MSANTD3: variants seen among roughly 807,000 people sequenced by gnomAD.
The protein encoded by MSANTD3 is myb/SANT-like DNA-binding domain-containing protein 3.
MSANTD3 carries 11 observed loss-of-function variants against 27.7 expected under a neutral mutation model. That is an observed-to-expected ratio of 0.40 (90% CI 0.25 to 0.66). The LOEUF is 0.66. MSANTD3 is among the 30% of genes least tolerant of loss of function. The pLI, the probability that MSANTD3 is intolerant of heterozygous loss-of-function variation, is 0.41. For missense variants in MSANTD3, 250 were observed against 336.5 expected, an observed-to-expected ratio of 0.74 and a Z score of 2.01; for synonymous variants, 131 against 127.2, an observed-to-expected ratio of 1.03 and a Z score of -0.20.
At chr9:100,436,013 G>T in intron 1 of MSANTD3, among the ~76,000 whole-genome samples, 1 of 152,328 alleles carries the variant, frequency 6.6e-6, no homozygotes, top group African/African-American at 2.4e-5. Flanking sequence ...TTTCCTTCTT[G>T]TTCTTCTATG....
chr9:100,429,952 C>A (rs1423882807), intron 1 of MSANTD3, among the ~76,000 whole-genome samples: 1 of 152,050 alleles, frequency 6.6e-6, no homozygotes, highest in Non-Finnish European at 1.5e-5. Flanking sequence ...ATCTGCCCAC[C>A]TTGGCCTCCC....
intron 1 of MSANTD3, among the ~76,000 whole-genome samples, chr9:100,436,767 C>A (rs1412272925): frequency 2.6e-5 from 4 of 151,804 alleles, no homozygotes; most frequent in Non-Finnish European, 5.9e-5. Context: ...GAGGCATGGA[C>A]CATGTTAAAG....
chr9:100,431,185 A>G (rs1193162504), intron 1 of MSANTD3, among the ~76,000 whole-genome samples: 1 of 151,722 alleles, frequency 6.6e-6, no homozygotes, highest in Admixed American at 6.6e-5. Flanking sequence ...TATTTTTAGT[A>G]GAGACGGGGT....
Position 100,450,682 on chromosome 9 carries a change from A to G in MSANTD3, c.544A>G (p.Asn182Asp). The change falls in exon 3 of 3, where the codon AAC (asparagine) becomes GAC (aspartate). Residue 182 changes from asparagine to aspartate, a missense_variant. Transcript: ENST00000395067. ...AGCTGTCAGAATAACAGCCAATAAAAACTACAGGAGCAAAACCTCTCAGGA... is the reference window on the plus strand; with the variant it reads ...AGCTGTCAGAATAACAGCCAATAAAGACTACAGGAGCAAAACCTCTCAGGA... The part of the protein sequence containing the change: ...CSAVRITANK[N>D]YRSKTSQEGA... The G allele has an allele frequency of 6.2e-7, 1 of 1,614,154 alleles. No individual in the cohort carries two copies. Among genetic ancestry groups the G allele is most frequent in the Non-Finnish European group, 8.5e-7 (1 of 1,180,022 alleles).
At chr9:100,449,901 T>C (rs1587796615) in intron 2 of MSANTD3, among the ~76,000 whole-genome samples, 1 of 152,024 alleles carries the variant, frequency 6.6e-6, no homozygotes, top group African/African-American at 2.4e-5. Flanking sequence ...GAAAGAAATT[T>C]CAAGGATAGT....
At chr9:100,431,066 A>T (rs1157498779) in intron 1 of MSANTD3, among the ~76,000 whole-genome samples, 1 of 151,080 alleles carries the variant, frequency 6.6e-6, no homozygotes, top group Non-Finnish European at 1.5e-5. Flanking sequence ...GCAACGGCGC[A>T]ATCTCGGCTC....
intron 2 of MSANTD3, chr9:100,448,536 G>A (rs12056981): frequency 0.029 from 28,547 of 985,254 alleles, 1,081 homozygotes; most frequent in East Asian, 0.21. Context: ...TCCATGGTTG[G>A]GCGTGTTGGG....
At chr9:100,441,690 C>T (rs868466929) in intron 1 of MSANTD3, among the ~76,000 whole-genome samples, 5 of 152,134 alleles carry the variant, frequency 3.3e-5, no homozygotes, top group African/African-American at 4.8e-5. Flanking sequence ...ACCAGATAGT[C>T]ACAGTATAGC....
intron 1 of MSANTD3, among the ~76,000 whole-genome samples, chr9:100,438,778 A>G (rs1472899416): frequency 2.0e-5 from 3 of 152,222 alleles, no homozygotes; most frequent in Non-Finnish European, 4.4e-5. Context: ...AATAAATTTC[A>G]GTTTGGGGAA....
chr9:100,443,621 A>G (rs530711381), intron 2 of MSANTD3, among the ~76,000 whole-genome samples: 1 of 152,252 alleles, frequency 6.6e-6, no homozygotes, highest in South Asian at 2.1e-4. Context: ...AAAATATGTC[A>G]TACATAATTC....
chr9:100,440,596 T>TC (rs1252327717), intron 1 of MSANTD3, among the ~76,000 whole-genome samples: 1 of 150,480 alleles, frequency 6.6e-6, no homozygotes, highest in Admixed American at 6.6e-5. Flanking sequence ...TCAAATTTTT[T>TC]TTTTTTTTTT....
At chr9:100,441,366 G>A (rs1227835565) in intron 1 of MSANTD3, among the ~76,000 whole-genome samples, 1 of 151,460 alleles carries the variant, frequency 6.6e-6, no homozygotes, top group Non-Finnish European at 1.5e-5. Context: ...GGGCGTGGTG[G>A]CTCACGCCTG....
chr9:100,433,093 G>A (rs1394047010), intron 1 of MSANTD3, among the ~76,000 whole-genome samples: 2 of 152,244 alleles, frequency 1.3e-5, no homozygotes, highest in African/African-American at 2.4e-5. Context: ...AGCAAAAAGG[G>A]CATCTTGATG....
At chr9:100,440,738 A>C (rs1317744591) in intron 1 of MSANTD3, among the ~76,000 whole-genome samples, 1 of 140,712 alleles carries the variant, frequency 7.1e-6, no homozygotes, top group African/African-American at 2.7e-5. Context: ...TTACAGGTGC[A>C]TGCCACCACA....
chr9:100,446,498 TTC>T (rs766061951), intron 2 of MSANTD3, among the ~76,000 whole-genome samples: 1 of 152,138 alleles, frequency 6.6e-6, no homozygotes, highest in Admixed American at 6.5e-5. Flanking sequence ...GGATACCATT[TTC>T]TCTCTTTTTT....
chr9:100,435,683 C>T (rs967352403), intron 1 of MSANTD3, among the ~76,000 whole-genome samples: 1 of 152,174 alleles, frequency 6.6e-6, no homozygotes, highest in Non-Finnish European at 1.5e-5. Context: ...TTGCTGTGTT[C>T]TTACATGACC....
rs1176421924 is a variant in MSANTD3, at chr9:100,435,651, G to GGCCATCTTGCTGTGT, written c.-33-6239_-33-6225dup. Among the ~76,000 whole-genome samples the GGCCATCTTGCTGTGT allele has an allele frequency of 2.0e-5, 3 of 152,154 alleles. 1 individual carries two copies. The highest frequency in any genetic ancestry group is 2.9e-5 in the Non-Finnish European group (2 of 68,026). On this transcript the variant is annotated intron_variant, in intron 1 of 2. Transcript: ENST00000395067. ...TCTCTTCTGTTGGCTTGTAGGTGGT[G>GGCCATCTTGCTGTGT]GCCATCTTGCTGTGTGCCATCTTGC...
At chr9:100,448,255 T>A (rs781232167) in intron 2 of MSANTD3, 5 of 980,680 alleles carry the variant, frequency 5.1e-6, no homozygotes, top group Non-Finnish European at 6.0e-6. Context: ...GACAGCAGCA[T>A]TGTGAGGGGA....
Position 100,442,089 on chromosome 9 carries a change from G to T in MSANTD3, c.151G>T (p.Ala51Ser). 1 of 1,614,230 alleles carries T rather than the reference G, an allele frequency of 6.2e-7. No homozygotes were observed. The highest frequency in any genetic ancestry group is 8.5e-7 in the Non-Finnish European group (1 of 1,180,038). ...TIALKQRTWQ[A>S]LAHEYNSQPS... ...TGCCCTTAAGCAGCGTACCTGGCAGGCGCTGGCCCACGAATACAACTCTCA... is the reference window on the plus strand; with the variant it reads ...TGCCCTTAAGCAGCGTACCTGGCAGTCGCTGGCCCACGAATACAACTCTCA... Residue 51 changes from alanine to serine, a missense_variant, in exon 2 of 3, where the codon GCG (alanine) becomes TCG (serine). This residue lies in a region of MSANTD3 where 235 missense variants were observed against 299.3 expected (regional missense o/e 0.79). Coordinates refer to ENST00000395067, the MANE Select transcript of MSANTD3 (RefSeq NM_080655.3).
Sources: gnomAD v4.1 joint callset for allele counts (sites outside exome capture counted in the v4.1 genomes callset) on GRCh38, gnomAD v4.1.1 for gene constraint, gnomAD v4.1.1 regional missense constraint, MANE v1.5 for transcripts, NCBI Gene and HGNC (gene_info 2026-07-23, HGNC 2026-07-21) for gene names.